The following KIAA1549 variants were observed in gnomAD, a reference collection of about 807,000 sequenced individuals.
KIAA1549 encodes KIAA1549.
In KIAA1549, 70 loss-of-function variants were observed where a neutral mutation model predicts 156.4. The ratio of observed to expected loss-of-function variants is 0.45; its 90% CI spans 0.37 to 0.55. The LOEUF is 0.55. Ranked by LOEUF, KIAA1549 falls within the 20% of genes least tolerant of loss-of-function variation. The probability of loss-of-function intolerance (pLI) is 0.00; values close to 1 mark genes in which losing one functional copy is unlikely to be tolerated. For synonymous variants in KIAA1549, 1,103 were observed against 1,066.4 expected (o/e 1.03, Z -0.67); for missense variants, 2,428 against 2,540.9 (o/e 0.96, Z 0.96).
Position 138,837,988 on chromosome 7 carries a change from G to A in KIAA1549, c.5771C>T (p.Ser1924Leu), listed in dbSNP as rs768087679. The A allele has an allele frequency of 1.5e-5, 25 of 1,613,240 alleles. No individual in the cohort carries two copies. Among genetic ancestry groups the A allele is most frequent in the Admixed American group, 3.3e-5 (2 of 59,944 alleles). ...STEDLQPGHS[S>L]ASLIKAIREE... The stretch of plus-strand genomic sequence containing the variant: ...GCGGATTGCTTTGATGAGAGAGGCC[G>A]AGGAGTGGCCAGGCTGGAGGTCTTC... The change falls in exon 20 of 20, where the codon TCG (serine) becomes TTG (leucine). Residue 1924 changes from serine (S) to leucine (L), a missense_variant. By Grantham distance (145) the Ser-to-Leu change is moderately radical. Coordinates refer to ENST00000422774, the MANE Select transcript of KIAA1549 (RefSeq NM_001164665.2).
At position 138,955,859 on chromosome 7, in the gene KIAA1549, A is replaced by G. The variant is rs148389880; in HGVS notation, c.187+25224T>C. 5.8e-3 allele frequency among the ~76,000 whole-genome samples: 889 copies of G among 152,336 alleles called. 4 individuals are homozygous for G. Among genetic ancestry groups the G allele is most frequent in the Non-Finnish European group, 9.8e-3 (668 of 68,028 alleles). On this transcript the variant is annotated intron_variant, in intron 1 of 19. Transcript: ENST00000422774. ...TTTTTATCCCAACAGAGAGGGAATCAACATGCAGGGAACTGAGGCACTGAC... is the reference window on the plus strand; with the variant it reads ...TTTTTATCCCAACAGAGAGGGAATCGACATGCAGGGAACTGAGGCACTGAC...
intron 10 of KIAA1549, among the ~76,000 whole-genome samples, chr7:138,888,810 A>T (rs1289463892): frequency 6.6e-6 from 1 of 152,238 alleles, no homozygotes; most frequent in Non-Finnish European, 1.5e-5. Context: ...TATTATTTTC[A>T]TCTTGAAATG....
At chr7:138,945,531 C>T (rs574165278) in intron 1 of KIAA1549, among the ~76,000 whole-genome samples, 3 of 152,350 alleles carry the variant, frequency 2.0e-5, no homozygotes, top group East Asian at 1.9e-4. Flanking sequence ...CTCTATACCA[C>T]TTCTGGTCCA....
chr7:138,851,898 C>T (rs1810246692), intron 17 of KIAA1549, among the ~76,000 whole-genome samples: 1 of 152,210 alleles, frequency 6.6e-6, no homozygotes, highest in African/African-American at 2.4e-5. Flanking sequence ...GCCCAAGAAG[C>T]AGGGCTCATG....
chr7:138,898,658 T>TA (rs939996243), intron 9 of KIAA1549, among the ~76,000 whole-genome samples: 4 of 152,230 alleles, frequency 2.6e-5, no homozygotes, highest in East Asian at 3.9e-4. Flanking sequence ...ACAAAATTTA[T>TA]AAAAAAAGTA....
intron 1 of KIAA1549, among the ~76,000 whole-genome samples, chr7:138,940,020 ATTTT>A (rs1307195045): frequency 6.6e-6 from 1 of 152,008 alleles, no homozygotes; most frequent in African/African-American, 2.4e-5. Context: ...TTTAAAAATA[ATTTT>A]TTTATTATAC....
In KIAA1549 at chr7:138,879,553, T is replaced by A; in HGVS notation, c.4330A>T (p.Arg1444Ter). The change falls in exon 12 of 20, where the codon AGA becomes TGA. Residue 1444 changes from arginine (R) to a stop codon, truncating the protein, a stop_gained. Coordinates refer to ENST00000422774, the MANE Select transcript of KIAA1549 (RefSeq NM_001164665.2). LOFTEE classifies it high-confidence loss of function. Reference sequence around the variant, plus strand: ...AGTCACAGACCGCTCTGCGGAGCTCTGTGGGACCTGCCATCGTTGACGGCT... The same window carrying A: ...AGTCACAGACCGCTCTGCGGAGCTCAGTGGGACCTGCCATCGTTGACGGCT... ...PGAVNDGRSH[R>*]APQSGPPLPS... 6.4e-7 allele frequency: 1 copy of A among 1,562,918 alleles called. No individual in the cohort carries two copies. Among genetic ancestry groups the A allele is most frequent in the Non-Finnish European group, 8.7e-7 (1 of 1,153,022 alleles).
At chr7:138,976,367 T>C (rs955841032) in intron 1 of KIAA1549, among the ~76,000 whole-genome samples, 1 of 152,044 alleles carries the variant, frequency 6.6e-6, no homozygotes, top group East Asian at 1.9e-4. Context: ...GGCCTCAACA[T>C]AACGATTTTA....
intron 1 of KIAA1549, among the ~76,000 whole-genome samples, chr7:138,930,485 T>C (rs901354179): frequency 1.3e-5 from 2 of 152,236 alleles, no homozygotes; most frequent in Non-Finnish European, 2.9e-5. Flanking sequence ...ATCTGTTGTT[T>C]AGTCTAACTG....
chr7:138,911,445 T>C (rs1349801843), intron 3 of KIAA1549, 122 bp from the exon 4 acceptor site: 2 of 718,416 alleles, frequency 2.8e-6, no homozygotes, highest in Non-Finnish European at 4.5e-6. Context: ...GCATCACGGA[T>C]AATCAAAATT....
intron 10 of KIAA1549, among the ~76,000 whole-genome samples, chr7:138,889,615 G>A (rs182790533): frequency 6.6e-6 from 1 of 152,202 alleles, no homozygotes; most frequent in Admixed American, 6.5e-5. Context: ...TTTTTTTCTG[G>A]GTAACCAAGA....
At chr7:138,946,080 C>T (rs1254909658) in intron 1 of KIAA1549, among the ~76,000 whole-genome samples, 1 of 152,138 alleles carries the variant, frequency 6.6e-6, no homozygotes, top group South Asian at 2.1e-4. Flanking sequence ...CTTTGCCTGC[C>T]TCTCCCCAGT....
At chr7:138,902,744 TG>T (rs1236165689) in intron 8 of KIAA1549, among the ~76,000 whole-genome samples, 4 of 151,764 alleles carry the variant, frequency 2.6e-5, no homozygotes, top group Non-Finnish European at 5.9e-5. Context: ...GGGAGGCAGA[TG>T]TTGTAGTGAG....
chr7:138,914,912 C>A (rs1812276178), intron 2 of KIAA1549, among the ~76,000 whole-genome samples: 1 of 152,186 alleles, frequency 6.6e-6, no homozygotes, highest in Admixed American at 6.5e-5. Flanking sequence ...TTCAGTGACT[C>A]TTTAAATAAG....
intron 1 of KIAA1549, among the ~76,000 whole-genome samples, chr7:138,924,331 GT>G (rs1389001176): frequency 6.6e-6 from 1 of 151,694 alleles, no homozygotes; most frequent in Non-Finnish European, 1.5e-5. Flanking sequence ...CATTTTATGT[GT>G]CTGTTTTAAA....
chr7:138,866,898 G>A (rs1161203390), intron 15 of KIAA1549, among the ~76,000 whole-genome samples: 1 of 152,134 alleles, frequency 6.6e-6, no homozygotes, highest in Non-Finnish European at 1.5e-5. Flanking sequence ...GACCTCCTGG[G>A]CTGAAGCGAT....
At chr7:138,937,052 C>T (rs959211514) in intron 1 of KIAA1549, among the ~76,000 whole-genome samples, 3 of 152,166 alleles carry the variant, frequency 2.0e-5, no homozygotes, top group Admixed American at 6.5e-5. Context: ...TCTTAAAAGC[C>T]TTCAGAAAGC....
chr7:138,937,709 G>A (rs1307025089), intron 1 of KIAA1549, among the ~76,000 whole-genome samples: 1 of 152,170 alleles, frequency 6.6e-6, no homozygotes, highest in Non-Finnish European at 1.5e-5. Context: ...TGGCTCATAC[G>A]AATGGTGCGG....
intron 1 of KIAA1549, among the ~76,000 whole-genome samples, chr7:138,928,721 A>G (rs1812790073): frequency 2.0e-5 from 3 of 152,240 alleles, no homozygotes; most frequent in Admixed American, 2.0e-4. Context: ...TTATGTTTAT[A>G]CCATACTGTA....
Sources: gnomAD v4.1 joint callset for allele counts (sites outside exome capture counted in the v4.1 genomes callset) on GRCh38, gnomAD v4.1.1 for gene constraint, MANE v1.5 for transcripts, NCBI Gene and HGNC (gene_info 2026-07-23, HGNC 2026-07-21) for gene names.